Variants in TAAR1 observed in about 807,000 individuals in gnomAD.
TAAR1 encodes trace amine associated receptor 1.
TAAR1 carries 1 observed loss-of-function variant against 1.2 expected under a neutral mutation model. The ratio of observed to expected loss-of-function variants is 0.81; its 90% CI spans 0.29 to 3.86. TAAR1 has a LOEUF of 3.86. TAAR1 is among the 30% of genes most tolerant of loss of function. The probability of loss-of-function intolerance (pLI) is 0.18; values close to 1 mark genes in which losing one functional copy is unlikely to be tolerated. For synonymous variants in TAAR1, 153 were observed against 132.2 expected (o/e 1.16, Z -1.08); for missense variants, 445 against 405.6 (o/e 1.10, Z -0.83).
Position 132,645,949 on chromosome 6 carries a change from A to C in TAAR1, c.55T>G (p.Ser19Ala). ...INISCVKNNW[S>A]NDVRASLYSL... is the part of the protein sequence containing the mutation. ...TACAGGGAAGCACGGACATCATTTG[A>C]CCAGTTGTTTTTCACACAGGAAATA... Residue 19 changes from serine to alanine, a missense_variant, in exon 2 of 2, where the codon TCA becomes GCA. By Grantham distance (99) the Ser-to-Ala change is moderately conservative. Coordinates refer to ENST00000275216, the MANE Select transcript of TAAR1 (RefSeq NM_138327.4). 6.2e-7 allele frequency: 1 copy of C among 1,610,774 alleles called. No individual in the cohort carries two copies. The highest frequency in any genetic ancestry group is 2.2e-5 in the East Asian group (1 of 44,802).
At chr6:132,647,460 A>G (rs578104045) in intron 1 of TAAR1, among the ~76,000 whole-genome samples, 1 of 149,924 alleles carries the variant, frequency 6.7e-6, no homozygotes, top group African/African-American at 2.5e-5. Context: ...GAGAGAAAGG[A>G]AGAAAGAAAA....
intron 1 of TAAR1, among the ~76,000 whole-genome samples, chr6:132,647,357 C>A (rs112594840): frequency 2.0e-4 from 18 of 90,214 alleles, no homozygotes; most frequent in African/African-American, 8.6e-4. Context: ...CACACACATA[C>A]GCATGCACAC....
intron 1 of TAAR1, among the ~76,000 whole-genome samples, chr6:132,652,190 G>A (rs112664019): frequency 2.0e-5 from 3 of 152,000 alleles, no homozygotes; most frequent in Non-Finnish European, 2.9e-5. Context: ...GTGTTCAGAG[G>A]AGAGGTTATA....
At chr6:132,651,806 T>G (rs1362388933) in intron 1 of TAAR1, among the ~76,000 whole-genome samples, 1 of 152,034 alleles carries the variant, frequency 6.6e-6, no homozygotes, top group East Asian at 1.9e-4. Context: ...AGAACATGAG[T>G]CTCAAATGTA....
At chr6:132,655,376 CT>C (rs6149815) in intron 1 of TAAR1, among the ~76,000 whole-genome samples, 23,529 of 131,458 alleles carry the variant, frequency 0.18, 1,798 homozygotes, top group East Asian at 0.37. Flanking sequence ...TTCATTCATT[CT>C]TTTTTTTTTT....
chr6:132,645,805 T>G lies in TAAR1; in HGVS notation c.199A>C (p.Thr67Pro), dbSNP rs1402546022. The G allele has an allele frequency of 1.9e-6, 3 of 1,613,662 alleles. No homozygotes were observed. In the African/African-American group the frequency reaches 4.0e-5, roughly 22 times the overall value. ...AGACACCCCAGAAGAAAGTCCACAG[T>G]GGCCATGGAATGAATGAGCCAATTT... ...PTNWLIHSMA[T>P]VDFLLGCLVM... The change falls in exon 2 of 2, where the codon ACT becomes CCT. Residue 67 changes from threonine (T) to proline (P), a missense_variant. Thr to Pro is a conservative substitution (Grantham distance 38). Coordinates refer to ENST00000275216, the MANE Select transcript of TAAR1 (RefSeq NM_138327.4).
chr6:132,659,077 C>T lies in TAAR1; in HGVS notation c.-127+53G>A, dbSNP rs533214846. 7.6e-3 allele frequency among the ~76,000 whole-genome samples: 1,164 copies of T among 152,200 alleles called. 18 individuals carry two copies. The highest frequency in any genetic ancestry group is 0.026 in the African/African-American group (1,078 of 41,524). On this transcript the variant is annotated intron_variant, in intron 1 of 1. Transcript: ENST00000275216. ...CTTCCTGTAAAATACTACTTTAGGC[C>T]TTTGGGTTAGTCTCTAGGATTTGGT...
In TAAR1 at chr6:132,645,798, T is replaced by C. The variant is rs775713615; in HGVS notation, c.206A>G (p.Asp69Gly). The C allele has an allele frequency of 2.5e-6, 4 of 1,613,684 alleles. No homozygotes were observed. The highest frequency in any genetic ancestry group is 3.4e-6 in the Non-Finnish European group (4 of 1,179,786). ...CATGACCAGACACCCCAGAAGAAAG[T>C]CCACAGTGGCCATGGAATGAATGAG... The part of the protein sequence containing the change: ...NWLIHSMATV[D>G]FLLGCLVMPY... The change falls in exon 2 of 2, where the codon GAC (aspartate) becomes GGC (glycine). Residue 69 changes from aspartate to glycine, a missense_variant. Transcript: ENST00000275216.
At chr6:132,646,375 G>A (rs1157100088) in intron 1 of TAAR1, among the ~76,000 whole-genome samples, 2 of 152,118 alleles carry the variant, frequency 1.3e-5, no homozygotes, top group African/African-American at 4.8e-5. Context: ...GGTCAGAGAA[G>A]ATCAAATGAT....
intron 1 of TAAR1, among the ~76,000 whole-genome samples, chr6:132,650,416 G>A (rs574523469): frequency 1.3e-5 from 2 of 152,254 alleles, no homozygotes; most frequent in South Asian, 4.1e-4. Context: ...ACTGAATGTG[G>A]CATAGAAAAA....
chr6:132,650,031 A>G (rs1035886284), intron 1 of TAAR1, among the ~76,000 whole-genome samples: 2 of 152,172 alleles, frequency 1.3e-5, no homozygotes, highest in Non-Finnish European at 1.5e-5. Context: ...ATCGACCTCT[A>G]TCTTTTAACA....
At chr6:132,654,554 G>T (rs758062892) in intron 1 of TAAR1, among the ~76,000 whole-genome samples, 5 of 152,074 alleles carry the variant, frequency 3.3e-5, no homozygotes, top group Non-Finnish European at 5.9e-5. Flanking sequence ...ATTAAATGGG[G>T]CACTGTATAC....
intron 1 of TAAR1, among the ~76,000 whole-genome samples, chr6:132,653,069 G>C (rs1582753351): frequency 1.3e-5 from 2 of 152,268 alleles, no homozygotes; most frequent in South Asian, 4.1e-4. Flanking sequence ...CAGTTGTGCA[G>C]GTTTGGATGA....
At chr6:132,646,168 G>A (rs149454735) in intron 1 of TAAR1, among the ~76,000 whole-genome samples, 39 bp from the exon 2 acceptor site, 127 of 152,168 alleles carry the variant, frequency 8.3e-4, no homozygotes, top group Middle Eastern at 3.4e-3. Flanking sequence ...TTGGCAATTT[G>A]AGTCCTCTCA....
rs140105605 is a variant in TAAR1, at chr6:132,645,383, T to A, written c.621A>T (p.Leu207Phe). 1.9e-6 allele frequency: 3 copies of A among 1,613,404 alleles called. No homozygotes were observed. In the African/African-American group the frequency reaches 4.0e-5, roughly 22 times the overall value. The change falls in exon 2 of 2, where the codon TTA becomes TTT. Residue 207 changes from leucine (L) to phenylalanine (F), a missense_variant. Coordinates refer to ENST00000275216, the MANE Select transcript of TAAR1 (RefSeq NM_138327.4). Reference protein sequence around the residue: ...TSFYIPGSIMLCVYYRIYLIA... With the variant: ...TSFYIPGSIMFCVYYRIYLIA... ...TAAGATATATTCTGTAATAGACACA[T>A]AACATAATAGATCCAGGTATATAAA...
In TAAR1 at chr6:132,644,135, A is replaced by C. The variant is rs1777631357; in HGVS notation, c.*849T>G. ...AAGTTAGAAACAACTGGAATTAACA[A>C]TAGGGAATGGTTAAAAATATATTTG... On this transcript the variant is annotated 3_prime_UTR_variant, in exon 2 of 2. Coordinates refer to ENST00000275216, the MANE Select transcript of TAAR1 (RefSeq NM_138327.4). Among the ~76,000 whole-genome samples the C allele has an allele frequency of 6.6e-6, 1 of 152,018 alleles. No individual in the cohort carries two copies. The highest frequency in any genetic ancestry group is 2.4e-5 in the African/African-American group (1 of 41,438).
intron 1 of TAAR1, among the ~76,000 whole-genome samples, chr6:132,648,128 T>C (rs1777708291): frequency 6.6e-6 from 1 of 152,196 alleles, no homozygotes; most frequent in Non-Finnish European, 1.5e-5. Flanking sequence ...GATTTCTTAC[T>C]ATGAAATTTA....
Position 132,644,887 on chromosome 6 carries a change from TAA to T in TAAR1, c.*95_*96del. ...CATACTTTGACTCAAGTAACTGATT[TAA>T]AAAAAAATCCATGTGGTTGGTGCAT... On this transcript the variant is annotated 3_prime_UTR_variant, in exon 2 of 2. Coordinates refer to ENST00000275216, the MANE Select transcript of TAAR1 (RefSeq NM_138327.4). The T allele has an allele frequency of 9.9e-7, 1 of 1,012,208 alleles. No homozygotes were observed. Among genetic ancestry groups the T allele is most frequent in the Non-Finnish European group, 1.4e-6 (1 of 714,722 alleles). 62.7% of individuals were successfully genotyped at this position (1,012,208 alleles called of 1,614,324 possible).
chr6:132,657,390 A>T (rs9375910), intron 1 of TAAR1, among the ~76,000 whole-genome samples: 26,350 of 151,778 alleles, frequency 0.17, 2,806 homozygotes, highest in East Asian at 0.33. Flanking sequence ...TTACATATAT[A>T]TATATATATA....
Sources: allele counts gnomAD v4.1 joint callset (sites outside exome capture counted in the v4.1 genomes callset), GRCh38; gene constraint gnomAD v4.1.1; transcripts MANE v1.5; gene names NCBI Gene and HGNC (gene_info 2026-07-23, HGNC 2026-07-21).